SPIRE1: variants seen among roughly 807,000 people sequenced by gnomAD.
SPIRE1 encodes the protein spire type actin nucleation factor 1.
SPIRE1 carries 40 observed loss-of-function variants against 94.1 expected under a neutral mutation model. The observed-to-expected ratio is 0.43, with a 90% CI of 0.33 to 0.55. SPIRE1 has a LOEUF of 0.55. Ranked by LOEUF, SPIRE1 falls within the 20% of genes least tolerant of loss-of-function variation. The pLI, the probability that SPIRE1 is intolerant of heterozygous loss-of-function variation, is 0.06. For missense variants in SPIRE1, 838 were observed against 975.2 expected (o/e 0.86, Z 1.87); for synonymous variants, 376 against 371.7 (o/e 1.01, Z -0.13).
intron 2 of SPIRE1, among the ~76,000 whole-genome samples, chr18:12,563,174 A>C (rs373805241): frequency 6.6e-6 from 1 of 151,508 alleles, no homozygotes; most frequent in East Asian, 1.9e-4. Context: ...GATACCCCCA[A>C]CCCCGATTAT....
intron 4 of SPIRE1, among the ~76,000 whole-genome samples, chr18:12,527,805 G>A (rs895996086): frequency 4.6e-5 from 7 of 152,068 alleles, no homozygotes; most frequent in South Asian, 2.1e-4. Context: ...AGTGGCTCAC[G>A]CCTGTAATCC....
intron 5 of SPIRE1, among the ~76,000 whole-genome samples, chr18:12,510,389 T>C (rs1429268674): frequency 1.3e-5 from 2 of 152,150 alleles, no homozygotes; most frequent in Non-Finnish European, 2.9e-5. Flanking sequence ...ATCTATTATA[T>C]CTCAATAAAA....
chr18:12,468,326 A>G (rs1333627305), intron 10 of SPIRE1, among the ~76,000 whole-genome samples: 1 of 152,178 alleles, frequency 6.6e-6, no homozygotes, highest in Non-Finnish European at 1.5e-5. Context: ...CACTCAGCTC[A>G]AAGAATGGCA....
chr18:12,602,207 G>A (rs1307524948), intron 2 of SPIRE1, among the ~76,000 whole-genome samples: 1 of 152,050 alleles, frequency 6.6e-6, no homozygotes, highest in African/African-American at 2.4e-5. Context: ...AGCAACATAA[G>A]AGATCAGATA....
intron 4 of SPIRE1, among the ~76,000 whole-genome samples, chr18:12,527,736 T>C (rs1405601594): frequency 6.6e-6 from 1 of 152,050 alleles, no homozygotes; most frequent in African/African-American, 2.4e-5. Context: ...AATCGGCATC[T>C]TAAGGTTGAT....
At chr18:12,642,342 G>A (rs1302519757) in intron 1 of SPIRE1, among the ~76,000 whole-genome samples, 1 of 152,022 alleles carries the variant, frequency 6.6e-6, no homozygotes. Context: ...AGAAATGGAA[G>A]CTCCCACTTT....
At chr18:12,654,895 G>GTA in intron 1 of SPIRE1, among the ~76,000 whole-genome samples, 1 of 152,076 alleles carries the variant, frequency 6.6e-6, no homozygotes, top group African/African-American at 2.4e-5. Context: ...GGGCGTGGTG[G>GTA]CATGCGCCTA....
chr18:12,595,639 T>C (rs2036650669), intron 2 of SPIRE1, among the ~76,000 whole-genome samples: 1 of 152,354 alleles, frequency 6.6e-6, no homozygotes, highest in African/African-American at 2.4e-5. Flanking sequence ...CAACTAACCT[T>C]TATTGAGTAC....
chr18:12,658,689 C>T (rs542704915), upstream of SPIRE1: 186 of 441,936 alleles, frequency 4.2e-4, no homozygotes, highest in African/African-American at 3.7e-3. Context: ...AAGCCTCCGG[C>T]AGTTTCCCGT....
chr18:12,605,437 C>T (rs941028555), intron 2 of SPIRE1, among the ~76,000 whole-genome samples: 7 of 152,252 alleles, frequency 4.6e-5, no homozygotes, highest in African/African-American at 1.4e-4. Context: ...ACCCGGCAGG[C>T]GGAGGTCGCA....
In SPIRE1 at chr18:12,617,443, G is replaced by A. The variant is rs118180341; in HGVS notation, c.372+17619C>T. Among the ~76,000 whole-genome samples, 225 of 151,782 alleles carry A rather than the reference G, an allele frequency of 1.5e-3. 2 individuals are homozygous for A. The East Asian group carries it at 0.036, about 24-fold the overall frequency. ...TTGTTTGTTTTGGAGACAGAGTTTC[G>A]CTTTTTTGTCCAGGCTGGAGTGCAA... is the stretch of plus-strand genomic sequence containing the variant. On this transcript the variant is annotated intron_variant, in intron 2 of 16. Transcript: ENST00000409402.
At chr18:12,538,223 A>T (rs2144221080) in intron 3 of SPIRE1, among the ~76,000 whole-genome samples, 1 of 152,274 alleles carries the variant, frequency 6.6e-6, no homozygotes. Context: ...AATGTTCTTA[A>T]AGTACTTAAA....
At chr18:12,450,746 C>T in intron 16 of SPIRE1, 2 of 691,662 alleles carry the variant, frequency 2.9e-6, no homozygotes, top group South Asian at 3.0e-5. Context: ...TGGATTCTTC[C>T]TGCTCTGTTC....
upstream of SPIRE1, chr18:12,662,043 T>C: frequency 3.2e-6 from 1 of 315,172 alleles, no homozygotes; most frequent in Non-Finnish European, 6.5e-6. Flanking sequence ...AGAATAAGTG[T>C]ACTTCATGCT....
chr18:12,530,061 C>A (rs2034641303), intron 4 of SPIRE1, among the ~76,000 whole-genome samples: 1 of 152,102 alleles, frequency 6.6e-6, no homozygotes, highest in Non-Finnish European at 1.5e-5. Flanking sequence ...AAAGTTAAAT[C>A]TGTGTTTTTA....
chr18:12,509,765 A>G (rs2033962224), intron 5 of SPIRE1, among the ~76,000 whole-genome samples: 1 of 152,140 alleles, frequency 6.6e-6, no homozygotes, highest in African/African-American at 2.4e-5. Flanking sequence ...ACAATTATGA[A>G]GAGTGAAAGA....
chr18:12,652,468 T>C (rs1194661220), intron 1 of SPIRE1, among the ~76,000 whole-genome samples: 5 of 152,234 alleles, frequency 3.3e-5, no homozygotes, highest in African/African-American at 1.2e-4. Context: ...TTCTAAGCAA[T>C]CTATCCTCCT....
intron 2 of SPIRE1, among the ~76,000 whole-genome samples, chr18:12,587,117 C>T (rs1457734190): frequency 2.0e-5 from 3 of 152,176 alleles, no homozygotes; most frequent in African/African-American, 7.2e-5. Context: ...GAAGAGGTTA[C>T]ATAATTTGCT....
intron 16 of SPIRE1, chr18:12,451,042 G>A: frequency 6.1e-6 from 3 of 495,156 alleles, no homozygotes; most frequent in East Asian, 4.1e-5. Flanking sequence ...AGGAGGAGGA[G>A]GAGGAGGATG....
Sources: gnomAD v4.1 joint callset for allele counts (sites outside exome capture counted in the v4.1 genomes callset) on GRCh38, gnomAD v4.1.1 for gene constraint, MANE v1.5 for transcripts, NCBI Gene and HGNC (gene_info 2026-07-23, HGNC 2026-07-21) for gene names.